Variants in SUPT20H observed in about 807,000 individuals in gnomAD.
SUPT20H encodes SPT20 homolog, SAGA complex component.
SUPT20H carries 82 observed loss-of-function variants against 122.8 expected under a neutral mutation model. The ratio of observed to expected loss-of-function variants is 0.67; its 90% CI spans 0.56 to 0.80. SUPT20H has a LOEUF of 0.80. Ranked by LOEUF, SUPT20H falls within the 30% of genes least tolerant of loss-of-function variation. SUPT20H has a pLI of 0.00. For missense variants in SUPT20H, 831 were observed against 921.6 expected (o/e 0.90, Z 1.27); for synonymous variants, 291 against 313.0 (o/e 0.93, Z 0.74).
In SUPT20H at chr13:37,022,943, A is replaced by G; in HGVS notation, c.1592-863T>C. 1 of 1,232,786 alleles carries G rather than the reference A, an allele frequency of 8.1e-7. No homozygotes were observed. Among genetic ancestry groups the G allele is most frequent in the Non-Finnish European group, 1.0e-6 (1 of 960,788 alleles). 76.4% of individuals were successfully genotyped at this position (1,232,786 alleles called of 1,614,324 possible). ...ATAGAAAATCTGTTGTGAATGAAGT[A>G]TGCACAGTTTATCAATTTTTTAAAA... On this transcript the variant is annotated intron_variant, in intron 19 of 25. Coordinates refer to ENST00000350612, the MANE Select transcript of SUPT20H (RefSeq NM_001014286.3). This position sits in a 1 kb window ranked among gnomAD's most constrained non-coding sequence, Gnocchi z 4.5.
At chr13:37,021,987 A>G (rs766090791) in intron 20 of SUPT20H, 24 bp downstream of exon 20, 3 of 1,532,162 alleles carry the variant, frequency 2.0e-6, no homozygotes, top group Admixed American at 2.2e-5. Flanking sequence ...TAAAAAAAAA[A>G]TCCGAACATC....
Position 37,025,511 on chromosome 13 carries a change from T to C in SUPT20H, c.1212-74A>G, listed in dbSNP as rs978728327. On this transcript the variant is annotated intron_variant, in intron 16 of 25. Coordinates refer to ENST00000350612, the MANE Select transcript of SUPT20H (RefSeq NM_001014286.3). Reference sequence around the variant, plus strand: ...CACAAATTTATTTTATAGGAAAGAATAATGACTATTAATGGCAAAAAGAAA... The same window carrying C: ...CACAAATTTATTTTATAGGAAAGAACAATGACTATTAATGGCAAAAAGAAA... 4 of 910,890 alleles carry C rather than the reference T, an allele frequency of 4.4e-6. No homozygotes were observed. The African/African-American group carries it at 6.8e-5, about 15-fold the overall frequency. The allele number at this position is 910,890 out of a possible 1,614,324, so 56.4% of individuals were successfully genotyped here.
rs1016645515 is a variant in SUPT20H at position 37,022,473 on chromosome 13, G to A, written c.1592-393C>T. The A allele has an allele frequency of 7.8e-7, 1 of 1,283,636 alleles. No homozygotes were observed. The highest frequency in any genetic ancestry group is 1.5e-5 in the African/African-American group (1 of 65,128). 79.5% of individuals were successfully genotyped at this position (1,283,636 alleles called of 1,614,324 possible). On this transcript the variant is annotated intron_variant, in intron 19 of 25. Transcript: ENST00000350612. This position sits in a 1 kb window ranked among gnomAD's most constrained non-coding sequence, Gnocchi z 4.5. ...GTGTTAATTTCTACACATGATACAT[G>A]AGTGTTGCTACACTCAATTACAATT...
chr13:37,010,802 T>C lies in SUPT20H; in HGVS notation c.2099-147A>G. ...CAAATCATAGACATTTCAGAATAAA[T>C]TTAGTATATGGTCTCCTGTTAGTTG... On this transcript the variant is annotated intron_variant, in intron 24 of 25. Coordinates refer to ENST00000350612, the MANE Select transcript of SUPT20H (RefSeq NM_001014286.3). The C allele has an allele frequency of 1.4e-5, 8 of 582,198 alleles. No individual in the cohort carries two copies. The South Asian group carries it at 1.8e-4, about 13-fold the overall frequency. 36.1% of individuals were successfully genotyped at this position (582,198 alleles called of 1,614,324 possible).
At chr13:37,051,961 C>T (rs1192407644) in intron 1 of SUPT20H, among the ~76,000 whole-genome samples, 1 of 152,160 alleles carries the variant, frequency 6.6e-6, no homozygotes, top group Admixed American at 6.5e-5. Context: ...GGCTTGATCA[C>T]TATCCAGTTC....
At chr13:37,016,499 C>CA (rs2060530115) in intron 23 of SUPT20H, among the ~76,000 whole-genome samples, 1 of 151,240 alleles carries the variant, frequency 6.6e-6, no homozygotes, top group Admixed American at 6.6e-5. Context: ...AAAAGAAAAT[C>CA]AAAGATTTTA....
At chr13:37,010,702 G>A in intron 24 of SUPT20H, 47 bp from the exon 25 acceptor site, 1 of 1,369,590 alleles carries the variant, frequency 7.3e-7, no homozygotes, top group Non-Finnish European at 1.0e-6. Context: ...AAGTTTGAAG[G>A]CTACCAGGGT....
intron 14 of SUPT20H, among the ~76,000 whole-genome samples, chr13:37,027,606 A>G (rs2062539641): frequency 6.6e-6 from 1 of 152,158 alleles, no homozygotes; most frequent in Non-Finnish European, 1.5e-5. Context: ...AATCAATTTG[A>G]TTAAAAAAAC....
At chr13:37,034,731 G>A (rs1445774693) in intron 9 of SUPT20H, among the ~76,000 whole-genome samples, 1 of 152,216 alleles carries the variant, frequency 6.6e-6, no homozygotes, top group African/African-American at 2.4e-5. Context: ...ATGCCATCCA[G>A]AACTTTCATA....
chr13:37,010,472 A>C, intron 25 of SUPT20H, 80 bp downstream of exon 25: 1 of 1,294,294 alleles, frequency 7.7e-7, no homozygotes, highest in South Asian at 1.2e-5. Context: ...CAGTAAAATA[A>C]AACTAAAGCA....
intron 1 of SUPT20H, among the ~76,000 whole-genome samples, chr13:37,052,874 C>A (rs536538973): frequency 6.6e-6 from 1 of 152,110 alleles, no homozygotes. Context: ...AGGATATGAA[C>A]GGACACTTCT....
intron 9 of SUPT20H, among the ~76,000 whole-genome samples, chr13:37,035,427 A>G (rs1338845558): frequency 6.6e-6 from 1 of 152,184 alleles, no homozygotes; most frequent in Non-Finnish European, 1.5e-5. Flanking sequence ...GAGAACTACA[A>G]TTAGAAGTAG....
rs1342822925 is a variant in SUPT20H, at chr13:37,045,230, G to A, written c.292+17C>T. ...AGCAAAAGTATTTTGTGGCAGCTGT[G>A]CTCTAGAGGGTCTTACCTGATCCGT... On this transcript the variant is annotated intron_variant, in intron 6 of 25. Coordinates refer to ENST00000350612, the MANE Select transcript of SUPT20H (RefSeq NM_001014286.3). 1.9e-6 allele frequency: 3 copies of A among 1,611,856 alleles called. No homozygotes were observed. The highest frequency in any genetic ancestry group is 2.5e-6 in the Non-Finnish European group (3 of 1,179,126).
chr13:37,010,669 A>AT lies in SUPT20H; in HGVS notation c.2099-15_2099-14insA, dbSNP rs2138941470. 1 of 1,609,286 alleles carries AT rather than the reference A, an allele frequency of 6.2e-7. No individual in the cohort carries two copies. Among genetic ancestry groups the AT allele is most frequent in the Non-Finnish European group, 8.5e-7 (1 of 1,176,254 alleles). ...GCTGAGACAACACTACAGAGAGGAG[A>AT]AGGGGAAAGCAGGCCAGTCAAAAAG... On this transcript the variant is annotated splice_polypyrimidine_tract_variant and intron_variant, in intron 24 of 25. Transcript: ENST00000350612.
chr13:37,056,780 A>G (rs926151167), intron 1 of SUPT20H: 8 of 152,120 alleles, frequency 5.3e-5, no homozygotes, highest in African/African-American at 1.7e-4. Flanking sequence ...AGAAAAAAAA[A>G]AAAAGAAAAT....
intron 21 of SUPT20H, 77 bp from the exon 22 acceptor site, chr13:37,019,474 T>C: frequency 1.0e-6 from 1 of 993,666 alleles, no homozygotes; most frequent in Non-Finnish European, 1.5e-6. Context: ...TTAGTATATA[T>C]AAGTACAATA....
intron 2 of SUPT20H, among the ~76,000 whole-genome samples, chr13:37,048,972 C>T (rs2067064120): frequency 1.3e-5 from 2 of 151,990 alleles, no homozygotes; most frequent in South Asian, 2.1e-4. Flanking sequence ...CTAAACTCTC[C>T]TCATCTGCTA....
intron 6 of SUPT20H, 121 bp downstream of exon 6, chr13:37,045,126 T>C (rs1029668324): frequency 7.8e-7 from 1 of 1,289,078 alleles, no homozygotes; most frequent in Non-Finnish European, 1.1e-6. Flanking sequence ...TCTGTTTTTA[T>C]CACTAGGTCA....
At position 37,019,306 on chromosome 13, in the gene SUPT20H, CAA is replaced by C. The variant is rs747724345; in HGVS notation, c.1872+34_1872+35del. On this transcript the variant is annotated intron_variant, in intron 22 of 25. Transcript: ENST00000350612. ...ATTGTTTAGAAAAAAAGTCAATGTA[CAA>C]AAAATTTAATCAAAAGCAGTATTTC... 10 of 1,527,466 alleles carry C rather than the reference CAA, an allele frequency of 6.5e-6. No homozygotes were observed. In the Admixed American group the frequency reaches 1.7e-4, roughly 26 times the overall value. 94.6% of individuals were successfully genotyped at this position (1,527,466 alleles called of 1,614,324 possible).
Sources: allele counts gnomAD v4.1 joint callset (sites outside exome capture counted in the v4.1 genomes callset), GRCh38; gene constraint gnomAD v4.1.1; non-coding constraint Gnocchi (gnomAD v3.1); transcripts MANE v1.5; gene names NCBI Gene and HGNC (gene_info 2026-07-23, HGNC 2026-07-21).